REL: variants seen among roughly 807,000 people sequenced by gnomAD.
REL encodes the protein proto-oncogene c-Rel.
Under a neutral mutation model 45.9 loss-of-function variants are expected in REL, and 15 were observed. That is an observed-to-expected ratio of 0.33 (90% CI 0.22 to 0.50). The LOEUF is 0.50. REL is among the 20% of genes least tolerant of loss of function. The pLI, the probability that REL is intolerant of heterozygous loss-of-function variation, is 0.98. For missense variants in REL, 601 were observed against 715.2 expected (o/e 0.84, Z 1.82); for synonymous variants, 239 against 242.1 (o/e 0.99, Z 0.12).
chr2:60,885,633 A>G lies in REL; in HGVS notation c.10+3783A>G, dbSNP rs139155805. Among the ~76,000 whole-genome samples the G allele has an allele frequency of 1.2e-4, 19 of 152,378 alleles. No individual in the cohort carries two copies. In the East Asian group the frequency reaches 3.1e-3, roughly 25 times the overall value. On this transcript the variant is annotated intron_variant, in intron 1 of 9. Transcript: ENST00000394479. ...ATATTGGCATAGCCTTTGGCTGATG[A>G]GAGACCTAGTTTGAGGAAAAAAATA...
chr2:60,924,296 C>T lies in REL; in HGVS notation c.*1761C>T, dbSNP rs1426031920. 4.5e-6 allele frequency: 1 copy of T among 222,522 alleles called. No individual in the cohort carries two copies. Among genetic ancestry groups the T allele is most frequent in the East Asian group, 6.6e-5 (1 of 15,210 alleles). The allele number at this position is 222,522 out of a possible 1,614,324, so 13.8% of individuals were successfully genotyped here. A position where few individuals can be genotyped will look rare whatever the true frequency, so the allele number is the denominator to read the frequency against. ...TTTCCCATACCGAAATATAAACTTT[C>T]TAAGGACAGAAATTTTTGTGCTTTA... On this transcript the variant is annotated 3_prime_UTR_variant, in exon 10 of 10. Transcript: ENST00000394479.
chr2:60,920,614 A>G lies in REL; in HGVS notation c.963A>G (p.Ser321=), dbSNP rs768435135. 16 of 1,604,908 alleles carry G rather than the reference A, an allele frequency of 1.0e-5. No individual in the cohort carries two copies. The highest frequency in any genetic ancestry group is 1.4e-5 in the Non-Finnish European group (16 of 1,173,600). The change falls in exon 9 of 10, where the codon TCA becomes TCG. Residue 321 remains serine (S), a synonymous_variant. Coordinates refer to ENST00000394479, the MANE Select transcript of REL (RefSeq NM_001291746.2). The part of the protein sequence containing the change: ...PERPRPGLLG[S]IGEGRYFKKE... ...GACCAAGACCTGGTCTCCTCGGTTC[A>G]ATTGGAGAAGGAAGATACTTCAAAA... is the stretch of plus-strand genomic sequence containing the variant.
chr2:60,925,913 T>TAG lies in REL; in HGVS notation c.*3378_*3379insAG. 4.4e-6 allele frequency: 1 copy of TAG among 225,910 alleles called. No homozygotes were observed. Among genetic ancestry groups the TAG allele is most frequent in the Non-Finnish European group, 8.8e-6 (1 of 113,180 alleles). The allele number at this position is 225,910 out of a possible 1,614,324, so 14.0% of individuals were successfully genotyped here. A position where few individuals can be genotyped will look rare whatever the true frequency, so the allele number is the denominator to read the frequency against. On this transcript the variant is annotated 3_prime_UTR_variant, in exon 10 of 10. Coordinates refer to ENST00000394479, the MANE Select transcript of REL (RefSeq NM_001291746.2). ...AAATAAGTGTTGGCTAGTTTTGCGG[T>TAG]GTAAGCAGAATTAAGGTTCTGCTAC...
In REL at chr2:60,907,673, C is replaced by T. The variant is rs189082683; in HGVS notation, c.394+6590C>T. Among the ~76,000 whole-genome samples the T allele has an allele frequency of 2.0e-5, 3 of 151,658 alleles. No homozygotes were observed. In the East Asian group the frequency reaches 5.8e-4, roughly 29 times the overall value. Reference sequence around the variant, plus strand: ...TAAAACGGTTGAAAGAATAAATGGACGAACATGTCATATTTGTACTTTTCT... The same window carrying T: ...TAAAACGGTTGAAAGAATAAATGGATGAACATGTCATATTTGTACTTTTCT... On this transcript the variant is annotated intron_variant, in intron 4 of 9. Coordinates refer to ENST00000394479, the MANE Select transcript of REL (RefSeq NM_001291746.2).
rs1203242849 is a variant in REL, at chr2:60,922,391, C to T, written c.1620C>T (p.Asn540=). 1 of 1,614,086 alleles carries T rather than the reference C, an allele frequency of 6.2e-7. No homozygotes were observed. ...FEGSDFSCAD[N]SMINESGPSN... Reference sequence around the variant, plus strand: ...GATCTGACTTCAGTTGTGCAGATAACAGCATGATAAATGAGTCGGGACCAT... The same window carrying T: ...GATCTGACTTCAGTTGTGCAGATAATAGCATGATAAATGAGTCGGGACCAT... The change falls in exon 10 of 10, where the codon AAC becomes AAT. Residue 540 remains asparagine (N), a synonymous_variant. Transcript: ENST00000394479.
At chr2:60,916,649 G>T (rs578034399) in intron 4 of REL, among the ~76,000 whole-genome samples, 1 of 152,218 alleles carries the variant, frequency 6.6e-6, no homozygotes, top group Non-Finnish European at 1.5e-5. Context: ...CCAGGTGAGG[G>T]GATAGTTACT....
At chr2:60,909,645 G>A (rs1169351101) in intron 4 of REL, among the ~76,000 whole-genome samples, 1 of 152,180 alleles carries the variant, frequency 6.6e-6, no homozygotes, top group Non-Finnish European at 1.5e-5. Context: ...GCTCACGCCT[G>A]TAATCCCAGC....
rs774420020 is a variant in REL at position 60,922,224 on chromosome 2, A to G, written c.1453A>G (p.Met485Val). The change falls in exon 10 of 10, where the codon ATG becomes GTG. Residue 485 changes from methionine to valine, a missense_variant. By Grantham distance (21) the Met-to-Val change is conservative. This residue lies in a region of REL where 334 missense variants were observed against 333.1 expected (regional missense o/e 1.00). Transcript: ENST00000394479. ...GETDNPRLLS[M>V]NLENPSCNSV... ...GACTGATAATCCAAGACTTCTGAGC[A>G]TGAATCTTGAAAACCCCTCATGTAA... is the stretch of plus-strand genomic sequence containing the variant. 1.9e-6 allele frequency: 3 copies of G among 1,614,200 alleles called. No homozygotes were observed. The highest frequency in any genetic ancestry group is 1.7e-6 in the Non-Finnish European group (2 of 1,180,016).
intron 4 of REL, among the ~76,000 whole-genome samples, chr2:60,908,315 C>G (rs925610311): frequency 2.0e-5 from 3 of 152,142 alleles, no homozygotes; most frequent in African/African-American, 7.2e-5. Context: ...AGTTTCCTAC[C>G]TGCACACAAT....
At chr2:60,921,720 T>A (rs1207534176) in intron 9 of REL, 43 bp from the exon 10 acceptor site, 4 of 1,513,304 alleles carry the variant, frequency 2.6e-6, no homozygotes, top group Non-Finnish European at 3.6e-6. Flanking sequence ...TTTTTATAAT[T>A]TTGTTCATTT....
At chr2:60,891,453 A>G (rs886729523) in intron 1 of REL, among the ~76,000 whole-genome samples, 1 of 152,170 alleles carries the variant, frequency 6.6e-6, no homozygotes, top group African/African-American at 2.4e-5. Flanking sequence ...TAACCAGTCA[A>G]TATGGTTTGA....
chr2:60,920,121 T>C lies in REL; in HGVS notation c.922+12T>C, dbSNP rs777445193. 3.8e-6 allele frequency: 6 copies of C among 1,564,360 alleles called. No individual in the cohort carries two copies. The highest frequency in any genetic ancestry group is 5.2e-6 in the Non-Finnish European group (6 of 1,143,536). ...GTGCCAGGATCACGGTAAGAATAGT[T>C]TGGATCGATTCATATTTAAATAGGT... On this transcript the variant is annotated intron_variant, in intron 8 of 9. Coordinates refer to ENST00000394479, the MANE Select transcript of REL (RefSeq NM_001291746.2).
In REL at chr2:60,918,308, T is replaced by G. The variant is rs560368200; in HGVS notation, c.640+13T>G. ...AAAGTTCAGAAAGGTATTTATTTAT[T>G]TCATTGAATTTAGAATAAATTTTAG... On this transcript the variant is annotated intron_variant, in intron 6 of 9. Coordinates refer to ENST00000394479, the MANE Select transcript of REL (RefSeq NM_001291746.2). 25 of 1,564,946 alleles carry G rather than the reference T, an allele frequency of 1.6e-5. No homozygotes were observed. The South Asian group carries it at 2.8e-4, about 17-fold the overall frequency.
At chr2:60,916,442 G>C (rs920992362) in intron 4 of REL, among the ~76,000 whole-genome samples, 1 of 152,124 alleles carries the variant, frequency 6.6e-6, no homozygotes, top group African/African-American at 2.4e-5. Flanking sequence ...TCAGTTCCTC[G>C]TTTGTAAAAT....
intron 5 of REL, among the ~76,000 whole-genome samples, chr2:60,917,559 T>G (rs1674010244): frequency 6.8e-6 from 1 of 146,274 alleles, no homozygotes; most frequent in Non-Finnish European, 1.5e-5. Context: ...AGACAGGGTC[T>G]CACTCTGTCA....
chr2:60,892,595 AT>A (rs1673242984), intron 2 of REL, among the ~76,000 whole-genome samples: 1 of 151,244 alleles, frequency 6.6e-6, no homozygotes, highest in Admixed American at 6.6e-5. Context: ...CGCCCAGCTG[AT>A]TTTTGTATTT....
In REL at chr2:60,927,543, C is replaced by G. The variant is rs1674295472; in HGVS notation, c.*5008C>G. The stretch of plus-strand genomic sequence containing the variant: ...TTATGTGGCAGGTTTAATCTCAGGT[C>G]TCCCTCATACACTTCTCAGCCTCAG... On this transcript the variant is annotated 3_prime_UTR_variant, in exon 10 of 10. Coordinates refer to ENST00000394479, the MANE Select transcript of REL (RefSeq NM_001291746.2). The G allele has an allele frequency of 4.4e-6, 1 of 229,420 alleles. No homozygotes were observed. Among genetic ancestry groups the G allele is most frequent in the South Asian group, 1.8e-4 (1 of 5,508 alleles). The allele number at this position is 229,420 out of a possible 1,614,324, so 14.2% of individuals were successfully genotyped here.
chr2:60,901,197 C>T (rs1673488076), intron 4 of REL, 114 bp downstream of exon 4: 1 of 1,290,300 alleles, frequency 7.8e-7, no homozygotes, highest in Non-Finnish European at 9.9e-7. Context: ...GCTCTTGTCG[C>T]CAGGCTGGAG....
chr2:60,921,825 G>A lies in REL; in HGVS notation c.1054G>A (p.Ala352Thr). 1 of 1,614,062 alleles carries A rather than the reference G, an allele frequency of 6.2e-7. No individual in the cohort carries two copies. The highest frequency in any genetic ancestry group is 8.5e-7 in the Non-Finnish European group (1 of 1,179,976). Residue 352 changes from alanine to threonine, a missense_variant, in exon 10 of 10, where the codon GCA becomes ACA. Ala to Thr is a moderately conservative substitution (Grantham distance 58). This residue lies in a region of REL where 334 missense variants were observed against 333.1 expected (regional missense o/e 1.00). Transcript: ENST00000394479. ...AATGCCTACAGGGGTTTCAAGTCAA[G>A]CAGAATCCTACTATCCCTCACCTGG... ...REMPTGVSSQ[A>T]ESYYPSPGPI...
Sources: allele counts gnomAD v4.1 joint callset (sites outside exome capture counted in the v4.1 genomes callset), GRCh38; gene constraint gnomAD v4.1.1; regional missense constraint gnomAD v4.1.1; transcripts MANE v1.5; gene names NCBI Gene and HGNC (gene_info 2026-07-23, HGNC 2026-07-21).